CCDC39: variants seen among roughly 807,000 people sequenced by gnomAD.
CCDC39 encodes coiled-coil domain-containing protein 39.
CCDC39 carries 113 observed loss-of-function variants against 121.0 expected under a neutral mutation model. The observed-to-expected ratio is 0.93, with a 90% CI of 0.80 to 1.09. The LOEUF is 1.09. Among genes scored for constraint, CCDC39 ranks in the 50% least tolerant of loss-of-function variants. CCDC39 has a pLI of 0.00. For synonymous variants in CCDC39, 349 were observed against 352.2 expected, an observed-to-expected ratio of 0.99 and a Z score of 0.10; for missense variants, 1,063 against 1,074.7, an observed-to-expected ratio of 0.99 and a Z score of 0.15.
In CCDC39 at chr3:180,614,952, C is replaced by T. The variant is rs199649763; in HGVS notation, c.2795G>A (p.Ser932Asn). 126 of 1,565,490 alleles carry T rather than the reference C, an allele frequency of 8.0e-5. No individual in the cohort carries two copies. In the African/African-American group the frequency reaches 1.6e-3, roughly 19 times the overall value. The change falls in exon 20 of 20, where the codon AGT becomes AAT. Residue 932 changes from serine to asparagine, a missense_variant. Ser to Asn is a conservative substitution (Grantham distance 46, BLOSUM62 1). Transcript: ENST00000476379. Reference sequence around the variant, plus strand: ...GCTGCTCTTTTTGCTCTTAACATTACTAGAGCTACTACTAGCACTAGATGG... The same window carrying T: ...GCTGCTCTTTTTGCTCTTAACATTATTAGAGCTACTACTAGCACTAGATGG... The part of the protein sequence containing the change: ...SRPSSASSSS[S>N]NVKSKKSSK
chr3:180,636,176 A>G (rs1717820399), intron 13 of CCDC39, among the ~76,000 whole-genome samples: 1 of 152,214 alleles, frequency 6.6e-6, no homozygotes, highest in Admixed American at 6.5e-5. Context: ...CCTTGTTTGC[A>G]GATGATATGA....
rs1717960677 is a variant in CCDC39, at chr3:180,641,862, T to C, written c.1874+131A>G. On this transcript the variant is annotated intron_variant, in intron 13 of 19. Coordinates refer to ENST00000476379, the MANE Select transcript of CCDC39 (RefSeq NM_181426.2). Reference sequence around the variant, plus strand: ...ATTTATGGCTATAACATGCCCTATGTCTTTCTTATATGAAAAGCCATTTCG... The same window carrying C: ...ATTTATGGCTATAACATGCCCTATGCCTTTCTTATATGAAAAGCCATTTCG... 7.5e-5 allele frequency: 42 copies of C among 557,294 alleles called. No individual in the cohort carries two copies. In the South Asian group the frequency reaches 9.7e-4, roughly 13 times the overall value. The allele number at this position is 557,294 out of a possible 1,614,324, so 34.5% of individuals were successfully genotyped here.
intron 13 of CCDC39, among the ~76,000 whole-genome samples, chr3:180,635,157 C>T (rs1388875717): frequency 1.3e-5 from 2 of 152,114 alleles, no homozygotes; most frequent in African/African-American, 4.8e-5. Flanking sequence ...TTTAAACCAT[C>T]AGATCTCATG....
At chr3:180,633,687 T>G (rs1463076738) in intron 13 of CCDC39, among the ~76,000 whole-genome samples, 1 of 151,650 alleles carries the variant, frequency 6.6e-6, no homozygotes, top group Non-Finnish European at 1.5e-5. Context: ...GAGCAACAAA[T>G]GGAGAAAACA....
chr3:180,670,795 G>T (rs1420116190), intron 1 of CCDC39, among the ~76,000 whole-genome samples: 1 of 152,094 alleles, frequency 6.6e-6, no homozygotes, highest in Non-Finnish European at 1.5e-5. Flanking sequence ...TAGACTCAAA[G>T]GCAGGGCTTC....
At chr3:180,628,803 A>G (rs975751100) in intron 14 of CCDC39, among the ~76,000 whole-genome samples, 3 of 152,210 alleles carry the variant, frequency 2.0e-5, no homozygotes, top group Non-Finnish European at 2.9e-5. Flanking sequence ...CTCATCCACA[A>G]CATTCAGAAA....
chr3:180,659,760 G>C lies in CCDC39; in HGVS notation c.526C>G (p.Leu176Val), dbSNP rs373064569. ...QDDNKIRALT[L>V]QLERLTLECN... ...TCCAAAGTTAGTCTTTCTAATTGCA[G>C]AGTCAGTGCCTATGATGTAATTATA... Residue 176 changes from leucine to valine, a missense_variant, in exon 5 of 20, where the codon CTG (leucine) becomes GTG (valine). Coordinates refer to ENST00000476379, the MANE Select transcript of CCDC39 (RefSeq NM_181426.2). 4.4e-6 allele frequency: 7 copies of C among 1,606,194 alleles called. No homozygotes were observed. Among genetic ancestry groups the C allele is most frequent in the African/African-American group, 1.3e-5 (1 of 74,748 alleles).
chr3:180,619,480 T>C, intron 15 of CCDC39, 115 bp from the exon 16 acceptor site: 3 of 660,136 alleles, frequency 4.5e-6, no homozygotes, highest in Non-Finnish European at 5.2e-6. Context: ...ATTTTTTATA[T>C]CCACTTGTAG....
At chr3:180,653,633 G>A (rs908974049) in intron 7 of CCDC39, among the ~76,000 whole-genome samples, 2 of 152,110 alleles carry the variant, frequency 1.3e-5, no homozygotes, top group Admixed American at 6.5e-5. Context: ...AATAGCTCAA[G>A]TAATCTTAAG....
At chr3:180,677,245 A>C (rs1712262236) in intron 1 of CCDC39, among the ~76,000 whole-genome samples, 1 of 119,470 alleles carries the variant, frequency 8.4e-6, no homozygotes, top group Non-Finnish European at 1.7e-5. Flanking sequence ...CCCTTCTTGC[A>C]ACAATCATTT....
At chr3:180,638,424 C>A (rs954147604) in intron 13 of CCDC39, among the ~76,000 whole-genome samples, 29 of 152,156 alleles carry the variant, frequency 1.9e-4, no homozygotes, top group African/African-American at 6.7e-4. Flanking sequence ...AATTCAAAAT[C>A]ATACTCCAAA....
Position 180,647,110 on chromosome 3 carries a change from C to G in CCDC39, c.1496G>C (p.Gly499Ala), listed in dbSNP as rs1207940597. ...KSLEEKKSTC[G>A]LLETQIKKLH... Reference sequence around the variant, plus strand: ...CTTCTTGATCTGTGTTTCCAAAAGGCCACATGTAGATTTTTTCTCTTCCAA... The same window carrying G: ...CTTCTTGATCTGTGTTTCCAAAAGGGCACATGTAGATTTTTTCTCTTCCAA... The change falls in exon 11 of 20, where the codon GGC becomes GCC. Residue 499 changes from glycine (G) to alanine (A), a missense_variant. Transcript: ENST00000476379. The G allele has an allele frequency of 1.9e-6, 3 of 1,608,614 alleles. No individual in the cohort carries two copies. The highest frequency in any genetic ancestry group is 2.5e-6 in the Non-Finnish European group (3 of 1,178,292).
chr3:180,654,104 G>A (rs914341678), intron 7 of CCDC39, among the ~76,000 whole-genome samples: 68 of 148,044 alleles, frequency 4.6e-4, no homozygotes, highest in Admixed American at 8.8e-4. Flanking sequence ...TAGAGAACCC[G>A]GAAATAAACC....
intron 1 of CCDC39, among the ~76,000 whole-genome samples, chr3:180,668,013 C>T (rs529487139): frequency 2.9e-4 from 44 of 152,264 alleles, no homozygotes; most frequent in African/African-American, 9.1e-4. Flanking sequence ...CAGGCGAAGG[C>T]AGGTTTCTAT....
In CCDC39 at chr3:180,614,931, C is replaced by T; in HGVS notation, c.2816G>A (p.Ser939Asn). ...SSSSNVKSKK[S>N]SK ...AAGAGATTAAAATGTTTATTTGCTGCTCTTTTTGCTCTTAACATTACTAGA... is the reference window on the plus strand; with the variant it reads ...AAGAGATTAAAATGTTTATTTGCTGTTCTTTTTGCTCTTAACATTACTAGA... The change falls in exon 20 of 20, where the codon AGC becomes AAC. Residue 939 changes from serine (S) to asparagine (N), a missense_variant. By Grantham distance (46) the Ser-to-Asn change is conservative. Transcript: ENST00000476379. The T allele has an allele frequency of 6.4e-7, 1 of 1,560,754 alleles. No homozygotes were observed. Among genetic ancestry groups the T allele is most frequent in the South Asian group, 1.2e-5 (1 of 84,298 alleles).
intron 1 of CCDC39, among the ~76,000 whole-genome samples, chr3:180,678,605 C>G: frequency 6.6e-6 from 1 of 151,932 alleles, no homozygotes; most frequent in East Asian, 1.9e-4. Context: ...TCCTCCGCCT[C>G]AGCCTCCCAA....
chr3:180,651,544 T>C lies in CCDC39; in HGVS notation c.1035-11A>G. 6.6e-7 allele frequency: 1 copy of C among 1,506,668 alleles called. No individual in the cohort carries two copies. Among genetic ancestry groups the C allele is most frequent in the Non-Finnish European group, 8.8e-7 (1 of 1,132,180 alleles). 93.3% of individuals were successfully genotyped at this position (1,506,668 alleles called of 1,614,324 possible). A position where few individuals can be genotyped will look rare whatever the true frequency, so the allele number is the denominator to read the frequency against. On this transcript the variant is annotated splice_polypyrimidine_tract_variant and intron_variant, in intron 8 of 19. Coordinates refer to ENST00000476379, the MANE Select transcript of CCDC39 (RefSeq NM_181426.2). The stretch of plus-strand genomic sequence containing the variant: ...TTAGTTTTTTGTAACCTGAAGAGGG[T>C]TTATCACAAAAAGATAGAAAACGTG...
At chr3:180,623,000 A>T (rs953186224) in intron 14 of CCDC39, among the ~76,000 whole-genome samples, 1 of 151,616 alleles carries the variant, frequency 6.6e-6, no homozygotes, top group African/African-American at 2.4e-5. Context: ...GATTTGTATT[A>T]GTTCTTCTTT....
At chr3:180,656,932 C>T (rs1255961879) in intron 6 of CCDC39, among the ~76,000 whole-genome samples, 1 of 152,182 alleles carries the variant, frequency 6.6e-6, no homozygotes, top group African/African-American at 2.4e-5. Flanking sequence ...AGCATATAAT[C>T]AAGAAATAAC....
Sources: allele counts gnomAD v4.1 joint callset (sites outside exome capture counted in the v4.1 genomes callset), GRCh38; gene constraint gnomAD v4.1.1; transcripts MANE v1.5; gene names NCBI Gene and HGNC (gene_info 2026-07-23, HGNC 2026-07-21).